The following CDC23 variants were observed in gnomAD, a reference collection of about 807,000 sequenced individuals.
CDC23 encodes the protein cell division cycle 23.
Under a neutral mutation model 81.7 loss-of-function variants are expected in CDC23, and 26 were observed. The observed-to-expected ratio is 0.32, with a 90% CI of 0.23 to 0.44. The LOEUF (loss-of-function observed/expected upper bound fraction) is 0.44, where lower values mean the gene tolerates loss of function less well. Among genes scored for constraint, CDC23 ranks in the 20% least tolerant of loss-of-function variants. CDC23 has a pLI of 1.00. For missense variants in CDC23, 519 were observed against 728.0 expected (o/e 0.71, Z 3.30); for synonymous variants, 267 against 270.8 (o/e 0.99, Z 0.14).
chr5:138,192,249 T>G lies in CDC23; in HGVS notation c.1286+20A>C. The stretch of plus-strand genomic sequence containing the variant: ...TTAGCCCTTCCCATATCAGACGCAT[T>G]GTCAAGTGACCAGGCTTACCGAAGC... On this transcript the variant is annotated intron_variant, in intron 11 of 15. Coordinates refer to ENST00000394886, the MANE Select transcript of CDC23 (RefSeq NM_004661.4). 1 of 1,613,944 alleles carries G rather than the reference T, an allele frequency of 6.2e-7. No individual in the cohort carries two copies. The highest frequency in any genetic ancestry group is 8.5e-7 in the Non-Finnish European group (1 of 1,179,928).
In CDC23 at chr5:138,189,622, C is replaced by A. The variant is rs762083335; in HGVS notation, c.1623+11G>T. The A allele has an allele frequency of 1.9e-6, 3 of 1,607,664 alleles. No homozygotes were observed. The East Asian group carries it at 6.7e-5, about 36-fold the overall frequency. On this transcript the variant is annotated intron_variant, in intron 15 of 15. Transcript: ENST00000394886. ...AAAATTCAAACCTTTTATTAAAGAA[C>A]TGATACTCACATCATTAAATGCACA... is the stretch of plus-strand genomic sequence containing the variant.
chr5:138,198,747 T>C lies in CDC23; in HGVS notation c.690A>G (p.Lys230=), dbSNP rs1290888178. Residue 230 remains lysine (K), a synonymous_variant, in exon 7 of 16, where the codon AAA becomes AAG. Transcript: ENST00000394886. ...KFLSLPDTWM[K]EFFLAHIYTE... ...TGTATATATGAGCCAGAAAAAACTCTTTCATCCAGGTGTCTGGCAAAGACA... is the reference window on the plus strand; with the variant it reads ...TGTATATATGAGCCAGAAAAAACTCCTTCATCCAGGTGTCTGGCAAAGACA... 1.9e-6 allele frequency: 3 copies of C among 1,614,012 alleles called. No homozygotes were observed. The East Asian group carries it at 6.7e-5, about 36-fold the overall frequency.
Position 138,198,625 on chromosome 5 carries a change from A to C in CDC23, c.812T>G (p.Val271Gly), listed in dbSNP as rs1313698864. The C allele has an allele frequency of 1.9e-6, 3 of 1,614,168 alleles. No individual in the cohort carries two copies. Among genetic ancestry groups the C allele is most frequent in the Non-Finnish European group, 2.5e-6 (3 of 1,180,004 alleles). Residue 271 changes from valine to glycine, a missense_variant, in exon 7 of 16, where the codon GTT becomes GGT. Transcript: ENST00000394886. Reference protein sequence around the residue: ...KSSYIVSQIAVAYHNIRDIDK... With the variant: ...KSSYIVSQIAGAYHNIRDIDK... The stretch of plus-strand genomic sequence containing the variant: ...CTCACCTCTGATATTGTGATAGGCA[A>C]CTGCAATTTGGGAAACAATATACGA...
chr5:138,211,935 A>G (rs1408525049), intron 2 of CDC23, among the ~76,000 whole-genome samples: 1 of 152,224 alleles, frequency 6.6e-6, no homozygotes, highest in Non-Finnish European at 1.5e-5. Context: ...AATTTACCTA[A>G]GAGTATACCG....
chr5:138,196,616 C>T (rs191652459), intron 9 of CDC23, among the ~76,000 whole-genome samples: 407 of 128,670 alleles, frequency 3.2e-3, no homozygotes, highest in African/African-American at 5.1e-3. Context: ...AGTCTCACTC[C>T]GTCGCCTAGG....
At position 138,206,645 on chromosome 5, in the gene CDC23, C is replaced by T. The variant is rs956263417; in HGVS notation, c.274G>A (p.Ala92Thr). The part of the protein sequence containing the change: ...QDMDAYTLAK[A>T]YFDVKEYDRA... ...TCATACTCTTTAACGTCAAAGTAGG[C>T]CTTGGCCAGGGTATAGGCATCCATA... The change falls in exon 3 of 16, where the codon GCC (alanine) becomes ACC (threonine). Residue 92 changes from alanine to threonine, a missense_variant. Transcript: ENST00000394886. The T allele has an allele frequency of 1.2e-6, 2 of 1,613,850 alleles. No homozygotes were observed. The highest frequency in any genetic ancestry group is 2.7e-5 in the African/African-American group (2 of 74,896).
intron 3 of CDC23, among the ~76,000 whole-genome samples, chr5:138,205,576 G>A (rs537203330): frequency 6.6e-6 from 1 of 151,732 alleles, no homozygotes; most frequent in Non-Finnish European, 1.5e-5. Context: ...AATGGGTATA[G>A]AATTTTAGTT....
At chr5:138,197,630 G>A (rs1447126650) in intron 9 of CDC23, among the ~76,000 whole-genome samples, 2 of 150,610 alleles carry the variant, frequency 1.3e-5, no homozygotes, top group Non-Finnish European at 2.9e-5. Flanking sequence ...CCAAGCAGCT[G>A]GGACTACAGG....
intron 9 of CDC23, among the ~76,000 whole-genome samples, chr5:138,193,541 A>T (rs1470996201): frequency 1.3e-5 from 2 of 151,922 alleles, no homozygotes; most frequent in Non-Finnish European, 2.9e-5. Context: ...GGTTGCAATG[A>T]GCTGAGATCG....
Position 138,188,699 on chromosome 5 carries a change from C to CA in CDC23, c.*278dup, listed in dbSNP as rs879009527. The stretch of plus-strand genomic sequence containing the variant: ...CTATAAAAGGGACTTTCTTGGGGGC[C>CA]AAAAAAAAAAAGCATTCAGGGAAGA... On this transcript the variant is annotated 3_prime_UTR_variant, in exon 16 of 16. Transcript: ENST00000394886. The CA allele has an allele frequency of 9.9e-3, 2,143 of 217,540 alleles. 3 individuals carry two copies. Among genetic ancestry groups the CA allele is most frequent in the African/African-American group, 0.015 (608 of 39,720 alleles). 13.5% of individuals were successfully genotyped at this position (217,540 alleles called of 1,614,324 possible).
At chr5:138,192,447 G>A in intron 10 of CDC23, 57 bp downstream of exon 10, 1 of 1,613,664 alleles carries the variant, frequency 6.2e-7, no homozygotes, top group South Asian at 1.1e-5. Flanking sequence ...CAACTTGCAG[G>A]CTTAGAGGCT....
intron 3 of CDC23, among the ~76,000 whole-genome samples, chr5:138,204,854 G>A (rs991748223): frequency 1.3e-5 from 2 of 151,190 alleles, no homozygotes; most frequent in Non-Finnish European, 2.9e-5. Flanking sequence ...TGATCCGCCC[G>A]CCTCTGCCTC....
chr5:138,206,671 T>C lies in CDC23; in HGVS notation c.248A>G (p.Asp83Gly). The change falls in exon 3 of 16, where the codon GAT (aspartate) becomes GGT (glycine). Residue 83 changes from aspartate to glycine, a missense_variant. Physicochemically the swap from Asp to Gly is moderately conservative, Grantham distance 94. Transcript: ENST00000394886. ...PPPITEEDAQ[D>G]MDAYTLAKAY... ...CTTGGCCAGGGTATAGGCATCCATA[T>C]CCTGGGCATCTTCCTAAAAAAGAAA... is the stretch of plus-strand genomic sequence containing the variant. 6.2e-7 allele frequency: 1 copy of C among 1,609,376 alleles called. No homozygotes were observed. Among genetic ancestry groups the C allele is most frequent in the South Asian group, 1.1e-5 (1 of 90,038 alleles).
intron 2 of CDC23, among the ~76,000 whole-genome samples, chr5:138,212,722 T>G (rs1051591832): frequency 6.6e-6 from 1 of 152,222 alleles, no homozygotes; most frequent in Non-Finnish European, 1.5e-5. Context: ...TGTCTAGGTT[T>G]GGCTATAAGC....
chr5:138,196,447 C>T (rs1170521822), intron 9 of CDC23, among the ~76,000 whole-genome samples: 2 of 151,664 alleles, frequency 1.3e-5, no homozygotes, highest in Admixed American at 1.3e-4. Context: ...CCTGCCACCA[C>T]GCCTAGCTAA....
In CDC23 at chr5:138,191,469, C is replaced by T; in HGVS notation, c.1424+5G>A. On this transcript the variant is annotated splice_donor_5th_base_variant and intron_variant, in intron 13 of 15. Coordinates refer to ENST00000394886, the MANE Select transcript of CDC23 (RefSeq NM_004661.4). ...TATCAATAGCATTTCACTCCTTTCA[C>T]TCACTTTGCCAGTTTCACCAGAGCC... 1 of 1,613,662 alleles carries T rather than the reference C, an allele frequency of 6.2e-7. No homozygotes were observed. Among genetic ancestry groups the T allele is most frequent in the Non-Finnish European group, 8.5e-7 (1 of 1,179,498 alleles).
At chr5:138,193,979 C>T (rs1188978639) in intron 9 of CDC23, among the ~76,000 whole-genome samples, 4 of 150,906 alleles carry the variant, frequency 2.7e-5, no homozygotes, top group East Asian at 3.9e-4. Context: ...AAAAAGGTAG[C>T]GCTCTAAGTT....
intron 9 of CDC23, 149 bp downstream of exon 9, chr5:138,198,050 T>A (rs1407848504): frequency 3.3e-6 from 2 of 611,894 alleles, no homozygotes; most frequent in African/African-American, 3.7e-5. Context: ...CCCTGACATC[T>A]GGGCTCTCAA....
chr5:138,203,890 G>A (rs930134069), intron 3 of CDC23, among the ~76,000 whole-genome samples: 5 of 151,978 alleles, frequency 3.3e-5, no homozygotes, highest in Admixed American at 1.3e-4. Context: ...TCCAGCCTGG[G>A]TGACAGAGCT....
Sources: gnomAD v4.1 joint callset for allele counts (sites outside exome capture counted in the v4.1 genomes callset) on GRCh38, gnomAD v4.1.1 for gene constraint, MANE v1.5 for transcripts, NCBI Gene and HGNC (gene_info 2026-07-23, HGNC 2026-07-21) for gene names.